ZFHX3: variants seen among roughly 807,000 people sequenced by gnomAD.
ZFHX3 encodes zinc finger homeobox protein 3.
A neutral mutation model predicts 279.1 loss-of-function variants in ZFHX3; 42 were observed. That is an observed-to-expected ratio of 0.15 (90% confidence interval 0.12 to 0.19). The LOEUF (loss-of-function observed/expected upper bound fraction) is 0.19. Among genes scored for constraint, ZFHX3 ranks in the 10% least tolerant of loss-of-function variants. ZFHX3 has a pLI of 1.00. For synonymous variants in ZFHX3, 2,293 were observed against 1,957.8 expected (o/e 1.17, Z -4.52); for missense variants, 4,981 against 4,754.0 (o/e 1.05, Z -1.40).
At chr16:73,427,705 G>GT (rs2017835997) in intron 3 of ZFHX3, among the ~76,000 whole-genome samples, 1 of 152,084 alleles carries the variant, frequency 6.6e-6, no homozygotes, top group Non-Finnish European at 1.5e-5. Flanking sequence ...GGAGGCCGCC[G>GT]TGGGCAGACC....
At chr16:73,179,275 C>G (rs542383292) in intron 5 of ZFHX3, among the ~76,000 whole-genome samples, 1 of 152,270 alleles carries the variant, frequency 6.6e-6, no homozygotes, top group South Asian at 2.1e-4. Flanking sequence ...ATCCTGTCCT[C>G]TGACATCAAA....
chr16:72,832,187 C>T (rs1357956947), intron 4 of ZFHX3, among the ~76,000 whole-genome samples: 1 of 152,176 alleles, frequency 6.6e-6, no homozygotes, highest in East Asian at 1.9e-4. Flanking sequence ...ATACAGCCTG[C>T]AGCTATCACA....
chr16:73,494,547 G>C lies in ZFHX3; in HGVS notation c.-1546-38289C>G, dbSNP rs532344610. Among the ~76,000 whole-genome samples, 5 of 151,960 alleles carry C rather than the reference G, an allele frequency of 3.3e-5. No individual in the cohort carries two copies. In the South Asian group the frequency reaches 1.0e-3, roughly 32 times the overall value. Reference sequence around the variant, plus strand: ...TGTATATTAAAACTCCCCAACCCAGGGACAAACTATGGTGTCTGTTTGTTT... The same window carrying C: ...TGTATATTAAAACTCCCCAACCCAGCGACAAACTATGGTGTCTGTTTGTTT... On this transcript the variant is annotated intron_variant, in intron 2 of 17. Transcript: ENST00000641206.
At chr16:73,027,295 C>A (rs999312821) in intron 1 of ZFHX3, among the ~76,000 whole-genome samples, 1 of 152,042 alleles carries the variant, frequency 6.6e-6, no homozygotes, top group African/African-American at 2.4e-5. Context: ...TACCACAAAG[C>A]CAAAAAAAGA....
chr16:73,856,495 A>G (rs1961731460), intron 1 of ZFHX3, among the ~76,000 whole-genome samples: 1 of 152,214 alleles, frequency 6.6e-6, no homozygotes, highest in Non-Finnish European at 1.5e-5. Flanking sequence ...ATTAATGGAT[A>G]TCCTCTGCTC....
At chr16:73,152,180 C>T (rs1390161810) in intron 5 of ZFHX3, among the ~76,000 whole-genome samples, 1 of 152,194 alleles carries the variant, frequency 6.6e-6, no homozygotes, top group Admixed American at 6.5e-5. Context: ...TATCACTCAA[C>T]TCCAGTCAGT....
chr16:73,546,310 T>G (rs539999869), intron 2 of ZFHX3, among the ~76,000 whole-genome samples: 1 of 152,258 alleles, frequency 6.6e-6, no homozygotes, highest in South Asian at 2.1e-4. Context: ...TCTCCCCCTG[T>G]GCATCCAATA....
intron 5 of ZFHX3, among the ~76,000 whole-genome samples, chr16:73,176,286 T>C (rs769088967): frequency 2.0e-5 from 3 of 152,224 alleles, no homozygotes; most frequent in Non-Finnish European, 4.4e-5. Context: ...ACTCATCAAC[T>C]ACCATTAAGA....
At chr16:73,523,896 G>A (rs1336804772) in intron 2 of ZFHX3, among the ~76,000 whole-genome samples, 1 of 152,106 alleles carries the variant, frequency 6.6e-6, no homozygotes, top group Non-Finnish European at 1.5e-5. Flanking sequence ...GTGCAAAAGG[G>A]GATGGTCAAC....
chr16:72,900,428 G>A (rs1236214611), intron 3 of ZFHX3, among the ~76,000 whole-genome samples: 1 of 152,204 alleles, frequency 6.6e-6, no homozygotes, highest in Non-Finnish European at 1.5e-5. Flanking sequence ...ATAACCTGGA[G>A]ATATTTTACT....
chr16:73,810,800 C>CAGATAGA (rs1960406602), intron 1 of ZFHX3, among the ~76,000 whole-genome samples: 1 of 152,148 alleles, frequency 6.6e-6, no homozygotes, highest in Non-Finnish European at 1.5e-5. Context: ...ACATCACTCA[C>CAGATAGA]CATTCTGAGC....
intron 2 of ZFHX3, among the ~76,000 whole-genome samples, chr16:73,653,862 T>A (rs2052695240): frequency 6.6e-6 from 1 of 151,868 alleles, no homozygotes; most frequent in Non-Finnish European, 1.5e-5. Flanking sequence ...TGAAACAGAA[T>A]ATGACTGCAG....
At chr16:73,592,396 A>C (rs1305028963) in intron 2 of ZFHX3, among the ~76,000 whole-genome samples, 1 of 152,204 alleles carries the variant, frequency 6.6e-6, no homozygotes, top group Non-Finnish European at 1.5e-5. Context: ...AGATATTATG[A>C]TTGACAGTTG....
At position 72,798,265 on chromosome 16, in the gene ZFHX3, G is replaced by A. The variant is rs1212465625; in HGVS notation, c.4417C>T (p.Leu1473Phe). 9 of 1,614,176 alleles carry A rather than the reference G, an allele frequency of 5.6e-6. No individual in the cohort carries two copies. The highest frequency in any genetic ancestry group is 6.8e-6 in the Non-Finnish European group (8 of 1,180,042). Residue 1473 changes from leucine to phenylalanine, a missense_variant, in exon 9 of 10, where the codon CTC becomes TTC. Physicochemically the swap from Leu to Phe is conservative, Grantham distance 22. Transcript: ENST00000268489. The part of the protein sequence containing the change: ...LYGGLLANGD[L>F]LAMGDPTLAE... ...AGAGTGGGGTCTCCCATTGCCAGGA[G>A]GTCCCCATTGGCCAGCAGGCCACCA...
chr16:73,549,389 C>A (rs2020170305), intron 2 of ZFHX3, among the ~76,000 whole-genome samples: 1 of 151,934 alleles, frequency 6.6e-6, no homozygotes, highest in Non-Finnish European at 1.5e-5. Context: ...GGTGTTAATA[C>A]AGGTTCTTTT....
intron 8 of ZFHX3, among the ~76,000 whole-genome samples, chr16:73,070,598 G>C (rs973602869): frequency 1.9e-4 from 29 of 152,156 alleles, no homozygotes; most frequent in African/African-American, 7.0e-4. Context: ...GGGTGAAGCG[G>C]GATTCGTCTC....
chr16:73,562,170 C>G (rs1022533494), intron 2 of ZFHX3, among the ~76,000 whole-genome samples: 2 of 152,156 alleles, frequency 1.3e-5, no homozygotes, highest in Non-Finnish European at 2.9e-5. Flanking sequence ...TGAATATTCC[C>G]TAGGTTCTGC....
intron 2 of ZFHX3, among the ~76,000 whole-genome samples, chr16:73,605,478 A>G (rs1331124979): frequency 6.6e-6 from 1 of 152,156 alleles, no homozygotes; most frequent in Non-Finnish European, 1.5e-5. Flanking sequence ...CTTAGCCCCA[A>G]ATTAAGTCAG....
Position 72,796,885 on chromosome 16 carries a change from G to T in ZFHX3, c.5797C>A (p.Pro1933Thr), listed in dbSNP as rs756145343. ...PGGGSEPSML[P>T]PRIASDARGN... ...CTGGCATCTGAAGCAATGCGTGGAG[G>T]GAGCATGGAAGGCTCAGAACCACCC... Residue 1933 changes from proline (P) to threonine (T), a missense_variant, in exon 9 of 10, where the codon CCT becomes ACT. Coordinates refer to ENST00000268489, the MANE Select transcript of ZFHX3 (RefSeq NM_006885.4). 6.2e-7 allele frequency: 1 copy of T among 1,613,764 alleles called. No homozygotes were observed. Among genetic ancestry groups the T allele is most frequent in the Non-Finnish European group, 8.5e-7 (1 of 1,179,972 alleles).
Sources: allele counts gnomAD v4.1 joint callset (sites outside exome capture counted in the v4.1 genomes callset), GRCh38; gene constraint gnomAD v4.1.1; transcripts MANE v1.5; gene names NCBI Gene and HGNC (gene_info 2026-07-23, HGNC 2026-07-21).